AFTPH: variants seen among roughly 807,000 people sequenced by gnomAD.
AFTPH encodes aftiphilin, also known as aftiphilin protein.
A neutral mutation model predicts 72.5 loss-of-function variants in AFTPH; 7 were observed. The observed-to-expected ratio is 0.10, with a 90% CI of 0.05 to 0.18. AFTPH has a LOEUF of 0.18. Ranked by LOEUF, AFTPH falls within the 10% of genes least tolerant of loss-of-function variation. The pLI is 1.00. For synonymous variants in AFTPH, 337 were observed against 370.1 expected (o/e 0.91, Z 1.03); for missense variants, 979 against 1,060.5 (o/e 0.92, Z 1.07).
intron 1 of AFTPH, among the ~76,000 whole-genome samples, chr2:64,534,692 ATTTC>A (rs1284718458): frequency 6.7e-6 from 1 of 148,160 alleles, no homozygotes; most frequent in African/African-American, 2.5e-5. Context: ...TCACATAAGC[ATTTC>A]TTTATGTTCA....
chr2:64,585,688 A>C, intron 8 of AFTPH, 143 bp downstream of exon 9: 1 of 845,194 alleles, frequency 1.2e-6, no homozygotes, highest in Non-Finnish European at 1.8e-6. Context: ...AAGTCCAGAA[A>C]ATATTATCAA....
chr2:64,530,864 C>T (rs1258379264), intron 1 of AFTPH, among the ~76,000 whole-genome samples: 1 of 151,916 alleles, frequency 6.6e-6, no homozygotes, highest in African/African-American at 2.4e-5. Flanking sequence ...GAGTTTGAGA[C>T]CAGCCTGGCC....
At chr2:64,554,111 C>G (rs531956655) in intron 2 of AFTPH, among the ~76,000 whole-genome samples, 3 of 152,276 alleles carry the variant, frequency 2.0e-5, no homozygotes, top group Non-Finnish European at 4.4e-5. Context: ...TTTGCCTATA[C>G]TTTCTTACAA....
At chr2:64,566,121 G>T (rs536998953) in intron 2 of AFTPH, among the ~76,000 whole-genome samples, 1 of 152,304 alleles carries the variant, frequency 6.6e-6, no homozygotes, top group South Asian at 2.1e-4. Flanking sequence ...CAATTAGGTG[G>T]TTATCTGATC....
intron 8 of AFTPH, among the ~76,000 whole-genome samples, chr2:64,591,258 T>C: frequency 6.6e-6 from 1 of 152,200 alleles, no homozygotes; most frequent in South Asian, 2.1e-4. Context: ...GAGATTTCCC[T>C]CACCCAGAGT....
At chr2:64,578,074 G>A (rs1329278515) in intron 6 of AFTPH, among the ~76,000 whole-genome samples, 1 of 151,962 alleles carries the variant, frequency 6.6e-6, no homozygotes. Flanking sequence ...TATTTTACTT[G>A]GTTTATACCT....
At chr2:64,524,646 C>T in intron 1 of AFTPH, 34 bp downstream of exon 1, 1 of 396,790 alleles carries the variant, frequency 2.5e-6, no homozygotes, top group Non-Finnish European at 4.4e-6. Context: ...CTAGCTGCGC[C>T]GGGGAAAGAG....
chr2:64,563,936 G>T lies in AFTPH; in HGVS notation c.1936-3626G>T, dbSNP rs150545834. The stretch of plus-strand genomic sequence containing the variant: ...GCAAAGTATTCTTAATGCCTAATGT[G>T]TGGTTTATACATTTTGTGTTTCATA... On this transcript the variant is annotated intron_variant, in intron 2 of 8. Transcript: ENST00000238856. Among the ~76,000 whole-genome samples the T allele has an allele frequency of 9.3e-4, 141 of 152,266 alleles. 2 individuals carry two copies. In the Middle Eastern group the frequency reaches 0.024, roughly 26 times the overall value.
exon 9 of AFTPH, chr2:64,591,971 A>G: frequency 5.0e-6 from 8 of 1,614,084 alleles, no homozygotes; most frequent in Non-Finnish European, 6.8e-6. Flanking sequence ...ATGCATGCCA[A>G]GGTGTTGATG....
intron 1 of AFTPH, among the ~76,000 whole-genome samples, chr2:64,539,222 A>G (rs1670065713): frequency 6.6e-6 from 1 of 152,214 alleles, no homozygotes; most frequent in African/African-American, 2.4e-5. Flanking sequence ...GAGAACAAGA[A>G]AAAGAAATTA....
intron 6 of AFTPH, among the ~76,000 whole-genome samples, chr2:64,574,370 C>T (rs567173214): frequency 6.6e-6 from 1 of 152,062 alleles, no homozygotes; most frequent in Admixed American, 6.5e-5. Context: ...ATATCATACC[C>T]CCATAACCAC....
At chr2:64,563,895 C>T (rs984845152) in intron 2 of AFTPH, among the ~76,000 whole-genome samples, 3 of 152,180 alleles carry the variant, frequency 2.0e-5, no homozygotes, top group Admixed American at 1.3e-4. Context: ...CATGAGCCAC[C>T]GCGCCCAGCT....
intron 1 of AFTPH, 76 bp from the exon 2 acceptor site, chr2:64,551,367 A>C (rs1015355801): frequency 2.0e-5 from 23 of 1,168,412 alleles, no homozygotes; most frequent in African/African-American, 3.1e-5. Flanking sequence ...GTTTTAAAGT[A>C]GCTTTGAGAG....
exon 1 of AFTPH, chr2:64,524,383 A>AGGAGGCGGC (rs1232194681): frequency 2.5e-6 from 1 of 403,844 alleles, no homozygotes; most frequent in Non-Finnish European, 4.4e-6. Context: ...GAGGAGGTGG[A>AGGAGGCGGC]GGAGGCGGCG....
chr2:64,540,325 A>G (rs1409582466), intron 1 of AFTPH, among the ~76,000 whole-genome samples: 1 of 152,140 alleles, frequency 6.6e-6, no homozygotes, highest in Non-Finnish European at 1.5e-5. Flanking sequence ...ATAGTTATCC[A>G]ATGTTATGTA....
At chr2:64,581,405 C>A in intron 7 of AFTPH, 132 bp downstream of exon 8, 1 of 700,390 alleles carries the variant, frequency 1.4e-6, no homozygotes, top group Non-Finnish European at 2.2e-6. Flanking sequence ...TTTCTTTCAT[C>A]TGTTGTTATT....
chr2:64,528,327 C>T (rs1669402815), intron 1 of AFTPH, among the ~76,000 whole-genome samples: 1 of 152,124 alleles, frequency 6.6e-6, no homozygotes. Context: ...TGCTATTTGT[C>T]CGGCCCTGTT....
chr2:64,565,750 C>A (rs771724870), intron 2 of AFTPH, among the ~76,000 whole-genome samples: 5 of 152,202 alleles, frequency 3.3e-5, no homozygotes, highest in Non-Finnish European at 7.4e-5. Context: ...TTGCTAATCT[C>A]CTGCTCTATC....
chr2:64,553,167 G>A, exon 2 of AFTPH: 1 of 1,614,138 alleles, frequency 6.2e-7, no homozygotes, highest in Non-Finnish European at 8.5e-7. Context: ...CAGTTCAGCT[G>A]GTCCTAGCCA....
Sources: allele counts gnomAD v4.1 joint callset (sites outside exome capture counted in the v4.1 genomes callset), GRCh38; gene constraint gnomAD v4.1.1; transcripts MANE v1.5; gene names NCBI Gene and HGNC (gene_info 2026-07-23, HGNC 2026-07-21).